ZNF514: variants seen among roughly 807,000 people sequenced by gnomAD.
ZNF514 encodes zinc finger protein 514.
ZNF514 carries 12 observed loss-of-function variants against 9.7 expected under a neutral mutation model. The ratio of observed to expected loss-of-function variants is 1.24; its 90% CI spans 0.79 to 2.01. The LOEUF is 2.01. Among genes scored for constraint, ZNF514 ranks in the 30% most tolerant of loss-of-function variants. The pLI is 0.00. For missense variants in ZNF514, 467 were observed against 465.5 expected, an observed-to-expected ratio of 1.00 and a Z score of -0.03; for synonymous variants, 158 against 163.7, an observed-to-expected ratio of 0.97 and a Z score of 0.27.
chr2:95,149,846 A>G lies in ZNF514; in HGVS notation c.639T>C (p.Phe213=). 1 of 1,614,232 alleles carries G rather than the reference A, an allele frequency of 6.2e-7. No individual in the cohort carries two copies. Among genetic ancestry groups the G allele is most frequent in the Non-Finnish European group, 8.5e-7 (1 of 1,180,034 alleles). Residue 213 remains phenylalanine (F), a synonymous_variant, in exon 5 of 5, where the codon TTT becomes TTC. Transcript: ENST00000295208. The part of the protein sequence containing the change: ...SCKCNECGKS[F]HFQSELRRHQ... ...GGCGCCTAAGTTCTGACTGGAAGTGAAAGGACTTCCCACACTCATTACATT... is the reference window on the plus strand; with the variant it reads ...GGCGCCTAAGTTCTGACTGGAAGTGGAAGGACTTCCCACACTCATTACATT...
intron 1 of ZNF514, chr2:95,159,036 G>A (rs115105688): frequency 3.2e-6 from 4 of 1,247,918 alleles, no homozygotes; most frequent in Non-Finnish European, 4.2e-6. Flanking sequence ...TCTGTCTTTC[G>A]GCCACAGCCC....
chr2:95,127,581 G>GT, the ZNF514 span, among the ~76,000 whole-genome samples: 2 of 149,838 alleles, frequency 1.3e-5, no homozygotes, highest in South Asian at 2.1e-4. Flanking sequence ...TTTTGTTTTT[G>GT]TTTTTTTGTT....
chr2:95,144,151 G>T (rs1673309003), downstream of ZNF514, among the ~76,000 whole-genome samples: 1 of 152,188 alleles, frequency 6.6e-6, no homozygotes, highest in African/African-American at 2.4e-5. Flanking sequence ...AGCTGGACTG[G>T]CAAAGCAGAG....
At chr2:95,141,961 T>A (rs567716272), downstream of ZNF514, among the ~76,000 whole-genome samples, 3 of 152,302 alleles carry the variant, frequency 2.0e-5, no homozygotes, top group South Asian at 6.2e-4. Flanking sequence ...GCCCAAGATA[T>A]CAGTCCAAGA....
At chr2:95,140,868 G>A (rs1243355797), downstream of ZNF514, among the ~76,000 whole-genome samples, 4 of 151,918 alleles carry the variant, frequency 2.6e-5, no homozygotes, top group South Asian at 2.1e-4. Context: ...CCAGCTACTC[G>A]GGGGGCTGAG....
chr2:95,158,125 T>C (rs1558704266), intron 1 of ZNF514, among the ~76,000 whole-genome samples: 1 of 152,192 alleles, frequency 6.6e-6, no homozygotes, highest in Non-Finnish European at 1.5e-5. Context: ...TCAAGCTTCA[T>C]GTGTGTGTGG....
At position 95,149,408 on chromosome 2, in the gene ZNF514, G is replaced by A. The variant is rs1437291729; in HGVS notation, c.1077C>T (p.Leu359=). 1 of 1,612,668 alleles carries A rather than the reference G, an allele frequency of 6.2e-7. No individual in the cohort carries two copies. The highest frequency in any genetic ancestry group is 1.3e-5 in the African/African-American group (1 of 74,468). Residue 359 remains leucine (L), a synonymous_variant, in exon 5 of 5, where the codon CTC becomes CTT. Coordinates refer to ENST00000295208, the MANE Select transcript of ZNF514 (RefSeq NM_032788.3). ...CGRAFSQSSS[L]TQHYRFHTGE... ...CAGTGTGAAATCTGTAATGTTGAGTGAGAGATGAACTCTGGCTGAAGGCTC... is the reference window on the plus strand; with the variant it reads ...CAGTGTGAAATCTGTAATGTTGAGTAAGAGATGAACTCTGGCTGAAGGCTC...
rs1184775690 is a variant in ZNF514 at position 95,150,115 on chromosome 2, C to CT, written c.369dup (p.Glu124ArgfsTer25). ...CTCTCCTGTTTTATCTGCTGCATCT[C>CT]TAACTGGCCATCACAACCGCAGGCT... On this transcript the variant is annotated frameshift_variant, in exon 5 of 5. Transcript: ENST00000295208. LOFTEE classifies it low-confidence loss of function (END_TRUNC). 6.2e-7 allele frequency: 1 copy of CT among 1,612,318 alleles called. No individual in the cohort carries two copies. The highest frequency in any genetic ancestry group is 1.7e-5 in the Admixed American group (1 of 60,014).
chr2:95,152,710 T>C lies in ZNF514; in HGVS notation c.181A>G (p.Met61Val), dbSNP rs1258244438. ...CQLEEGGEPF[M>V]VEREISTGAH... The stretch of plus-strand genomic sequence containing the variant: ...CCTGTTGAGATTTCTCTCTCCACCA[T>C]GAAGGGCTCACCCCCTTCCTCCAAC... The change falls in exon 4 of 5, where the codon ATG becomes GTG. Residue 61 changes from methionine to valine, a missense_variant. Coordinates refer to ENST00000295208, the MANE Select transcript of ZNF514 (RefSeq NM_032788.3). The C allele has an allele frequency of 1.2e-6, 2 of 1,614,174 alleles. No individual in the cohort carries two copies. The highest frequency in any genetic ancestry group is 8.5e-7 in the Non-Finnish European group (1 of 1,180,028).
chr2:95,138,614 C>T, the ZNF514 span, among the ~76,000 whole-genome samples: 4 of 152,134 alleles, frequency 2.6e-5, no homozygotes, highest in Non-Finnish European at 4.4e-5. Context: ...AACCTACGCT[C>T]AGATGTGGAA....
At chr2:95,136,183 C>T in the ZNF514 span, among the ~76,000 whole-genome samples, 1 of 152,174 alleles carries the variant, frequency 6.6e-6, no homozygotes, top group African/African-American at 2.4e-5. Flanking sequence ...GATTCCTTAG[C>T]ATTTTCTATA....
the ZNF514 span, among the ~76,000 whole-genome samples, chr2:95,136,032 C>G: frequency 6.6e-6 from 1 of 152,036 alleles, no homozygotes; most frequent in East Asian, 2.0e-4. Flanking sequence ...CCACTGCACT[C>G]TAGCCTGGCG....
Position 95,148,771 on chromosome 2 carries a change from G to A in ZNF514, c.*511C>T, listed in dbSNP as rs989001969. ...AATTTTCTGATGCTTAATAAGGGATGAGCCCTGACTGAAGGCCTTCCTCTA... is the reference window on the plus strand; with the variant it reads ...AATTTTCTGATGCTTAATAAGGGATAAGCCCTGACTGAAGGCCTTCCTCTA... On this transcript the variant is annotated 3_prime_UTR_variant, in exon 5 of 5. Coordinates refer to ENST00000295208, the MANE Select transcript of ZNF514 (RefSeq NM_032788.3). The A allele has an allele frequency of 6.5e-6, 1 of 152,754 alleles. No individual in the cohort carries two copies. Among genetic ancestry groups the A allele is most frequent in the Non-Finnish European group, 1.5e-5 (1 of 68,490 alleles). The allele number at this position is 152,754 out of a possible 1,614,324, so 9.5% of individuals were successfully genotyped here. A position where few individuals can be genotyped will look rare whatever the true frequency, so the allele number is the denominator to read the frequency against.
chr2:95,159,090 C>A, intron 1 of ZNF514, 150 bp downstream of exon 1: 1 of 1,130,480 alleles, frequency 8.8e-7, no homozygotes, highest in East Asian at 6.3e-5. Context: ...CAGGCTGGGG[C>A]TGCCTGGGGG....
chr2:95,143,853 C>G (rs1326772682), downstream of ZNF514, among the ~76,000 whole-genome samples: 1 of 152,134 alleles, frequency 6.6e-6, no homozygotes, highest in Non-Finnish European at 1.5e-5. Context: ...TGAAGGCAGC[C>G]TTGTACTCTT....
rs924427802 is a variant in ZNF514 at position 95,146,739 on chromosome 2, C to T, written c.*2543G>A. On this transcript the variant is annotated 3_prime_UTR_variant, in exon 5 of 5. Coordinates refer to ENST00000295208, the MANE Select transcript of ZNF514 (RefSeq NM_032788.3). ...ATGAGAAGAGGAGACAGATTTTGGA[C>T]GAAGACCAGTTACAAAATTGTGACA... is the stretch of plus-strand genomic sequence containing the variant. 6.0e-5 allele frequency among the ~76,000 whole-genome samples: 9 copies of T among 150,862 alleles called. No homozygotes were observed. Among genetic ancestry groups the T allele is most frequent in the African/African-American group, 2.0e-4 (8 of 40,996 alleles).
chr2:95,151,428 G>T (rs565230564), intron 4 of ZNF514, among the ~76,000 whole-genome samples: 2 of 152,274 alleles, frequency 1.3e-5, no homozygotes, highest in African/African-American at 2.4e-5. Flanking sequence ...GCAAGGTATT[G>T]GTTCTGCCAA....
At chr2:95,156,879 T>C (rs1015167020) in intron 2 of ZNF514, among the ~76,000 whole-genome samples, 1 of 152,108 alleles carries the variant, frequency 6.6e-6, no homozygotes, top group Non-Finnish European at 1.5e-5. Flanking sequence ...CACCTGTCCA[T>C]ACCCTCAGAA....
At chr2:95,155,953 T>C (rs1407934714) in intron 2 of ZNF514, among the ~76,000 whole-genome samples, 1 of 152,102 alleles carries the variant, frequency 6.6e-6, no homozygotes, top group Admixed American at 6.5e-5. Flanking sequence ...GAAGAGGGTG[T>C]GGAGCAGAGT....
Sources: gnomAD v4.1 joint callset for allele counts (sites outside exome capture counted in the v4.1 genomes callset) on GRCh38, gnomAD v4.1.1 for gene constraint, MANE v1.5 for transcripts, NCBI Gene and HGNC (gene_info 2026-07-23, HGNC 2026-07-21) for gene names.